Variants in UBE2D1 observed in about 807,000 individuals in gnomAD.
UBE2D1 encodes ubiquitin conjugating enzyme E2 D1, also known as ubiquitin-conjugating enzyme E2 D1.
A neutral mutation model predicts 24.6 loss-of-function variants in UBE2D1; 9 were observed. That is an observed-to-expected ratio of 0.37 (90% confidence interval 0.22 to 0.64). The LOEUF (loss-of-function observed/expected upper bound fraction) is 0.64, where lower values mean the gene tolerates loss of function less well. Ranked by LOEUF, UBE2D1 falls within the 30% of genes least tolerant of loss-of-function variation. The pLI is 0.64. For synonymous variants in UBE2D1, 57 were observed against 57.6 expected, an observed-to-expected ratio of 0.99 and a Z score of 0.04; for missense variants, 87 against 177.1, an observed-to-expected ratio of 0.49 and a Z score of 2.89.
chr10:58,363,342 T>C (rs1444348971), intron 3 of UBE2D1, among the ~76,000 whole-genome samples: 1 of 152,166 alleles, frequency 6.6e-6, no homozygotes, highest in Non-Finnish European at 1.5e-5. Context: ...ACTGTGTGTG[T>C]CCTGTTTTTG....
chr10:58,348,326 A>T (rs1446558420), intron 1 of UBE2D1, among the ~76,000 whole-genome samples: 1 of 152,216 alleles, frequency 6.6e-6, no homozygotes, highest in African/African-American at 2.4e-5. Context: ...GGATAAGGAG[A>T]TCAGGGCCTG....
intron 3 of UBE2D1, 143 bp from the exon 4 acceptor site, chr10:58,363,466 T>A (rs1311391474): frequency 1.7e-6 from 1 of 584,870 alleles, no homozygotes; most frequent in Non-Finnish European, 2.9e-6. Flanking sequence ...ATGGTTGCAT[T>A]TTTTTCATAT....
rs141377302 is a variant in UBE2D1 at position 58,348,359 on chromosome 10, T to C, written c.25-12979T>C. Among the ~76,000 whole-genome samples, 157 of 152,358 alleles carry C rather than the reference T, an allele frequency of 1.0e-3. No homozygotes were observed. The East Asian group carries it at 0.028, about 27-fold the overall frequency. ...CTGAACTGTAAGCCCATGAAATGTT[T>C]ATTTACAGACAAACCAAATACAGCT... On this transcript the variant is annotated intron_variant, in intron 1 of 6. Transcript: ENST00000373910.
At chr10:58,365,015 T>G (rs1285082188) in intron 5 of UBE2D1, 139 bp downstream of exon 5, 9 of 656,266 alleles carry the variant, frequency 1.4e-5, no homozygotes, top group South Asian at 1.1e-4. Flanking sequence ...CTCTCTTTGC[T>G]CTTATGTTAC....
At chr10:58,350,440 A>G (rs985540588) in intron 1 of UBE2D1, among the ~76,000 whole-genome samples, 1 of 152,108 alleles carries the variant, frequency 6.6e-6, no homozygotes, top group Non-Finnish European at 1.5e-5. Context: ...GTGCCTGTTT[A>G]TGTTTAAGCT....
At chr10:58,348,345 G>C (rs139019236) in intron 1 of UBE2D1, among the ~76,000 whole-genome samples, 9 of 152,308 alleles carry the variant, frequency 5.9e-5, no homozygotes, top group African/African-American at 2.2e-4. Context: ...TGAACTGTAA[G>C]CCCATGAAAT....
intron 1 of UBE2D1, among the ~76,000 whole-genome samples, chr10:58,341,198 G>A (rs1474062460): frequency 1.3e-5 from 2 of 152,168 alleles, no homozygotes; most frequent in African/African-American, 4.8e-5. Flanking sequence ...ATTGCATTGT[G>A]AAGTTTTTAT....
intron 1 of UBE2D1, among the ~76,000 whole-genome samples, chr10:58,343,970 A>G (rs1289413612): frequency 6.6e-6 from 1 of 152,126 alleles, no homozygotes; most frequent in Non-Finnish European, 1.5e-5. Flanking sequence ...GTAAGTTTTG[A>G]TAATGGAGCA....
intron 1 of UBE2D1, among the ~76,000 whole-genome samples, chr10:58,348,631 T>C (rs899975967): frequency 1.3e-5 from 2 of 152,240 alleles, no homozygotes; most frequent in African/African-American, 4.8e-5. Flanking sequence ...ATATCTATTA[T>C]GGAGATTTAG....
chr10:58,353,228 G>A (rs1840096602), intron 1 of UBE2D1, among the ~76,000 whole-genome samples: 1 of 152,186 alleles, frequency 6.6e-6, no homozygotes, highest in South Asian at 2.1e-4. Context: ...GAGGGGTATA[G>A]TTGGGATGAA....
intron 1 of UBE2D1, among the ~76,000 whole-genome samples, chr10:58,340,109 T>C (rs1839947083): frequency 6.6e-6 from 1 of 152,164 alleles, no homozygotes; most frequent in African/African-American, 2.4e-5. Context: ...AGTATCCAAA[T>C]TGAGATGTGC....
rs567442563 is a variant in UBE2D1, at chr10:58,353,735, C to A, written c.25-7603C>A. 5.3e-5 allele frequency among the ~76,000 whole-genome samples: 8 copies of A among 152,214 alleles called. 1 individual carries two copies. In the South Asian group the frequency reaches 1.7e-3, roughly 32 times the overall value. ...TTTCACATGTTATTTAAAAGCTCAC[C>A]ATAGTGTTTTCAAGTGACCTGCACT... is the stretch of plus-strand genomic sequence containing the variant. On this transcript the variant is annotated intron_variant, in intron 1 of 6. Coordinates refer to ENST00000373910, the MANE Select transcript of UBE2D1 (RefSeq NM_003338.5).
chr10:58,360,216 C>T (rs1450919974), intron 1 of UBE2D1, among the ~76,000 whole-genome samples: 1 of 152,202 alleles, frequency 6.6e-6, no homozygotes, highest in African/African-American at 2.4e-5. Flanking sequence ...AACTCCTACT[C>T]ATCCTTTAGA....
At chr10:58,360,894 C>G (rs1264712027) in intron 1 of UBE2D1, 2 of 440,728 alleles carry the variant, frequency 4.5e-6, no homozygotes, top group Admixed American at 5.1e-5. Flanking sequence ...TGCACTCCAT[C>G]CTGGGCGACA....
intron 5 of UBE2D1, 122 bp from the exon 6 acceptor site, chr10:58,367,801 G>A (rs572628498): frequency 8.5e-6 from 4 of 471,118 alleles, no homozygotes; most frequent in African/African-American, 2.1e-5. Flanking sequence ...ATAATTTGAT[G>A]TGTTCATTTT....
chr10:58,364,660 C>G, intron 4 of UBE2D1, 111 bp from the exon 5 acceptor site: 1 of 713,152 alleles, frequency 1.4e-6, no homozygotes, highest in Non-Finnish European at 2.3e-6. Context: ...CTTTTCTCCT[C>G]TAAAGTTATG....
At chr10:58,339,818 CA>C (rs1303577889) in intron 1 of UBE2D1, among the ~76,000 whole-genome samples, 1 of 150,626 alleles carries the variant, frequency 6.6e-6, no homozygotes, top group African/African-American at 2.5e-5. Context: ...CCAGTTAACA[CA>C]AAAATAGTTG....
At chr10:58,355,015 T>G (rs1260033532) in intron 1 of UBE2D1, among the ~76,000 whole-genome samples, 13 of 152,190 alleles carry the variant, frequency 8.5e-5, no homozygotes, top group Non-Finnish European at 1.9e-4. Context: ...TAGTCAAGCT[T>G]ACAGATGACA....
chr10:58,353,910 A>T (rs909677919), intron 1 of UBE2D1, among the ~76,000 whole-genome samples: 1 of 152,202 alleles, frequency 6.6e-6, no homozygotes. Context: ...TTTTCTTTAA[A>T]TTTTATTGCT....
Sources: gnomAD v4.1 joint callset for allele counts (sites outside exome capture counted in the v4.1 genomes callset) on GRCh38, gnomAD v4.1.1 for gene constraint, MANE v1.5 for transcripts, NCBI Gene and HGNC (gene_info 2026-07-23, HGNC 2026-07-21) for gene names.